The following ACYP2 variants were observed in gnomAD, a reference collection of about 807,000 sequenced individuals.
ACYP2 encodes the protein acylphosphatase 2.
ACYP2 carries 12 observed loss-of-function variants against 11.2 expected under a neutral mutation model. The ratio of observed to expected loss-of-function variants is 1.08; its 90% CI spans 0.69 to 1.74. The LOEUF (loss-of-function observed/expected upper bound fraction) is 1.74, where lower values mean the gene tolerates loss of function less well. Ranked by LOEUF, ACYP2 falls within the 40% of genes most tolerant of loss-of-function variation. The pLI, the probability that ACYP2 is intolerant of heterozygous loss-of-function variation, is 0.00. For synonymous variants in ACYP2, 43 were observed against 32.2 expected, an observed-to-expected ratio of 1.33 and a Z score of -1.13; for missense variants, 134 against 101.9, an observed-to-expected ratio of 1.31 and a Z score of -1.35.
chr2:54,002,371 A>T (rs1374468096), intron 2 of ACYP2, among the ~76,000 whole-genome samples: 1 of 142,326 alleles, frequency 7.0e-6, no homozygotes, highest in Non-Finnish European at 1.5e-5. Context: ...TTTGAGACGG[A>T]GTCTTGCTCT....
chr2:54,220,576 G>T (rs1374302390), intron 6 of ACYP2, among the ~76,000 whole-genome samples: 1 of 152,114 alleles, frequency 6.6e-6, no homozygotes, highest in African/African-American at 2.4e-5. Flanking sequence ...AAATAGTAAA[G>T]ATTTTTATCT....
At chr2:54,169,449 C>A (rs1194676827) in intron 6 of ACYP2, among the ~76,000 whole-genome samples, 2 of 151,864 alleles carry the variant, frequency 1.3e-5, no homozygotes, top group East Asian at 3.9e-4. Context: ...CAATCCTCAG[C>A]CTCTAGAATT....
chr2:54,093,051 C>T (rs2103684967), intron 4 of ACYP2, among the ~76,000 whole-genome samples: 1 of 152,304 alleles, frequency 6.6e-6, no homozygotes, highest in East Asian at 1.9e-4. Context: ...GTCGACTGCA[C>T]AGCAGGTAAA....
At chr2:54,092,453 C>T (rs533240871) in intron 4 of ACYP2, among the ~76,000 whole-genome samples, 209 of 152,254 alleles carry the variant, frequency 1.4e-3, no homozygotes, top group African/African-American at 4.9e-3. Context: ...CTATGTTATC[C>T]TATAATCAGC....
At position 53,973,875 on chromosome 2, in the gene ACYP2, G is replaced by A. The variant is rs1159191924; in HGVS notation, c.62+65G>A. On this transcript the variant is annotated intron_variant, in intron 2 of 6. Transcript: ENST00000607452. ...TATATATGTGTGTGTGTGTGTGTGT[G>A]TGTGTGTGTGTGTGTGTGTGTGTGT... 1.7e-4 allele frequency: 20 copies of A among 116,466 alleles called. 1 individual carries two copies. Among genetic ancestry groups the A allele is most frequent in the South Asian group, 6.6e-4 (2 of 3,026 alleles). 7.2% of individuals were successfully genotyped at this position (116,466 alleles called of 1,614,324 possible).
intron 6 of ACYP2, among the ~76,000 whole-genome samples, chr2:54,268,822 G>C (rs1399591886): frequency 2.0e-5 from 3 of 151,956 alleles, no homozygotes; most frequent in African/African-American, 4.8e-5. Flanking sequence ...ATTATTTTAA[G>C]GTTGTGAGTT....
At chr2:54,090,434 G>C (rs1678164894) in intron 4 of ACYP2, among the ~76,000 whole-genome samples, 1 of 152,138 alleles carries the variant, frequency 6.6e-6, no homozygotes, top group Non-Finnish European at 1.5e-5. Context: ...TTTGAGACCA[G>C]CCTGGCCAAT....
chr2:53,984,326 C>G (rs1014502611), intron 2 of ACYP2, among the ~76,000 whole-genome samples: 1 of 151,874 alleles, frequency 6.6e-6, no homozygotes, highest in Admixed American at 6.6e-5. Flanking sequence ...GTCTGTAATC[C>G]CAGCACTTTG....
intron 6 of ACYP2, among the ~76,000 whole-genome samples, chr2:54,264,598 G>GA (rs1466370192): frequency 6.6e-6 from 1 of 152,236 alleles, no homozygotes; most frequent in Non-Finnish European, 1.5e-5. Flanking sequence ...AGGAAAGGGA[G>GA]AAGGTCCAAG....
chr2:53,977,432 C>G (rs1197155726), intron 2 of ACYP2, among the ~76,000 whole-genome samples: 1 of 152,096 alleles, frequency 6.6e-6, no homozygotes, highest in African/African-American at 2.4e-5. Flanking sequence ...CAACTTCTAT[C>G]CCTGGGTAGA....
chr2:54,027,252 A>G (rs1184993593), intron 2 of ACYP2, among the ~76,000 whole-genome samples: 1 of 152,158 alleles, frequency 6.6e-6, no homozygotes, highest in Non-Finnish European at 1.5e-5. Context: ...AAAGCAAGCC[A>G]TAAAAACTAG....
intron 6 of ACYP2, among the ~76,000 whole-genome samples, chr2:54,195,801 T>G (rs1472822368): frequency 7.3e-6 from 1 of 137,126 alleles, no homozygotes; most frequent in Admixed American, 7.1e-5. Flanking sequence ...TGGGTTTTTT[T>G]TTTTTTTTTT....
chr2:54,038,385 A>AT (rs1490554558), intron 2 of ACYP2, among the ~76,000 whole-genome samples: 1 of 151,896 alleles, frequency 6.6e-6, no homozygotes, highest in Non-Finnish European at 1.5e-5. Context: ...ACTTTCCACT[A>AT]TATGTGAGCT....
At chr2:54,091,139 C>G (rs1024414715) in intron 4 of ACYP2, among the ~76,000 whole-genome samples, 2 of 152,076 alleles carry the variant, frequency 1.3e-5, no homozygotes, top group African/African-American at 4.8e-5. Context: ...TATGTCTTAA[C>G]TCAACATTTC....
intron 6 of ACYP2, among the ~76,000 whole-genome samples, chr2:54,149,734 T>C (rs151328972): frequency 8.3e-4 from 127 of 152,338 alleles, no homozygotes; most frequent in African/African-American, 2.8e-3. Context: ...AACCGTATGT[T>C]ATGTATCAGT....
At chr2:54,286,744 A>G (rs537342110) in intron 6 of ACYP2, among the ~76,000 whole-genome samples, 6 of 152,022 alleles carry the variant, frequency 3.9e-5, no homozygotes, top group Non-Finnish European at 7.3e-5. Flanking sequence ...TCCTCTCTAA[A>G]TGGATTTGTC....
At chr2:54,273,880 TACAA>T (rs902046127) in intron 6 of ACYP2, among the ~76,000 whole-genome samples, 80 of 152,332 alleles carry the variant, frequency 5.3e-4, no homozygotes, top group African/African-American at 1.9e-3. Flanking sequence ...TACCAATAGT[TACAA>T]ACAATTATTT....
intron 4 of ACYP2, among the ~76,000 whole-genome samples, chr2:54,090,922 T>C (rs1678190788): frequency 6.6e-6 from 1 of 152,200 alleles, no homozygotes; most frequent in Admixed American, 6.5e-5. Flanking sequence ...ACCATCTACA[T>C]GTTGGTGCTT....
intron 4 of ACYP2, among the ~76,000 whole-genome samples, chr2:54,080,645 T>G (rs1677597067): frequency 6.6e-6 from 1 of 152,068 alleles, no homozygotes; most frequent in African/African-American, 2.4e-5. Context: ...CCTGCCACCA[T>G]GCCCAGGTAA....
Sources: gnomAD v4.1 joint callset for allele counts (sites outside exome capture counted in the v4.1 genomes callset) on GRCh38, gnomAD v4.1.1 for gene constraint, MANE v1.5 for transcripts, NCBI Gene and HGNC (gene_info 2026-07-23, HGNC 2026-07-21) for gene names.